Variants in VRTN observed in about 807,000 individuals in gnomAD.
VRTN encodes vertnin.
In VRTN, 5 loss-of-function variants were observed where a neutral mutation model predicts 18.2. That is an observed-to-expected ratio of 0.27 (90% CI 0.14 to 0.58). The LOEUF is 0.58. Ranked by LOEUF, VRTN falls within the 20% of genes least tolerant of loss-of-function variation. The pLI is 0.91. For missense variants in VRTN, 741 were observed against 939.4 expected (o/e 0.79, Z 2.76); for synonymous variants, 381 against 393.7 (o/e 0.97, Z 0.38).
chr14:74,341,739 G>A (rs997577635), intron 2 of VRTN, among the ~76,000 whole-genome samples: 1 of 151,976 alleles, frequency 6.6e-6, no homozygotes, highest in Non-Finnish European at 1.5e-5. Context: ...GGCTGGTCTC[G>A]AACTCCTGAC....
At chr14:74,337,244 G>A (rs1330934312) in intron 1 of VRTN, among the ~76,000 whole-genome samples, 4 of 152,096 alleles carry the variant, frequency 2.6e-5, no homozygotes, top group Admixed American at 6.5e-5. Context: ...TCGGGAAGCT[G>A]AGGCAGGAGA....
At chr14:74,349,868 T>C (rs1567045054) in intron 1 of VRTN, among the ~76,000 whole-genome samples, 1 of 152,198 alleles carries the variant, frequency 6.6e-6, no homozygotes, top group East Asian at 1.9e-4. Context: ...CCTCTGGATG[T>C]CCTGCCTTTA....
chr14:74,358,947 G>GCTT lies in VRTN; in HGVS notation c.*55_*56insCTT. 6.5e-7 allele frequency: 1 copy of GCTT among 1,544,754 alleles called. No homozygotes were observed. The highest frequency in any genetic ancestry group is 8.7e-7 in the Non-Finnish European group (1 of 1,145,700). ...GGGGGACCAGTTTGGAGAGGGTCAGGGACCTGAGCTGACCCCAGGCTTGGC... is the reference window on the plus strand; with the variant it reads ...GGGGGACCAGTTTGGAGAGGGTCAGGCTTGACCTGAGCTGACCCCAGGCTTGGC... On this transcript the variant is annotated 3_prime_UTR_variant, in exon 2 of 2. Coordinates refer to ENST00000256362, the MANE Select transcript of VRTN (RefSeq NM_018228.3). The surrounding 1 kb of genome is among the most constrained non-coding windows in gnomAD (Gnocchi z 5.4).
chr14:74,306,152 A>G (rs1398724642), intron 1 of VRTN: 1 of 63,768 alleles, frequency 1.6e-5, no homozygotes, highest in Non-Finnish European at 2.6e-5. Flanking sequence ...ATACATATAT[A>G]TATATATATA....
At position 74,317,551 on chromosome 14, in the gene VRTN, C is replaced by G. The variant is rs541091484; in HGVS notation, c.-164+14375C>G. Among the ~76,000 whole-genome samples, 3 of 152,218 alleles carry G rather than the reference C, an allele frequency of 2.0e-5. 1 individual carries two copies. The East Asian group carries it at 5.8e-4, about 29-fold the overall frequency. ...GCACGGTGGGTCACACCTGTAATAC[C>G]AGCGCTTTGGGAGGCCAAGGTGGGT... On this transcript the variant is annotated intron_variant, in intron 1 of 2. Coordinates refer to the VRTN transcript ENST00000557177.
intron 1 of VRTN, among the ~76,000 whole-genome samples, chr14:74,309,163 T>C (rs1167609325): frequency 6.6e-6 from 1 of 152,174 alleles, no homozygotes; most frequent in Non-Finnish European, 1.5e-5. Context: ...CCACCCTTTA[T>C]TGTTTCCTTC....
chr14:74,342,740 A>T (rs1487827556), intron 2 of VRTN, among the ~76,000 whole-genome samples: 1 of 151,992 alleles, frequency 6.6e-6, no homozygotes, highest in Non-Finnish European at 1.5e-5. Flanking sequence ...TCAGCCTCCC[A>T]AGTAGTTGGG....
intron 1 of VRTN, among the ~76,000 whole-genome samples, chr14:74,309,542 A>T: frequency 6.6e-6 from 1 of 152,160 alleles, no homozygotes; most frequent in South Asian, 2.1e-4. Flanking sequence ...ACAATCCCTA[A>T]CCTCAAAAAA....
intron 1 of VRTN, among the ~76,000 whole-genome samples, chr14:74,354,571 A>T (rs1330748960): frequency 1.3e-5 from 2 of 151,768 alleles, no homozygotes; most frequent in African/African-American, 4.8e-5. Context: ...CTCCTGGCTA[A>T]TTTTTGTATT....
chr14:74,323,931 C>T (rs767901709), intron 1 of VRTN, among the ~76,000 whole-genome samples: 2 of 152,144 alleles, frequency 1.3e-5, no homozygotes, highest in African/African-American at 4.8e-5. Flanking sequence ...AATCTGGCAA[C>T]CTTCCAGCTG....
At chr14:74,336,346 GCA>G (rs2140204303) in intron 1 of VRTN, among the ~76,000 whole-genome samples, 1 of 152,162 alleles carries the variant, frequency 6.6e-6, no homozygotes, top group East Asian at 1.9e-4. Flanking sequence ...GGCGGAGGTT[GCA>G]GTTAGCCGAG....
chr14:74,307,614 A>G (rs2085362232), intron 1 of VRTN, among the ~76,000 whole-genome samples: 1 of 152,236 alleles, frequency 6.6e-6, no homozygotes, highest in Admixed American at 6.5e-5. Flanking sequence ...GAAAATATAT[A>G]TAGATGTAAA....
intron 1 of VRTN, among the ~76,000 whole-genome samples, chr14:74,328,406 CA>C (rs1432048650): frequency 1.3e-5 from 2 of 152,138 alleles, no homozygotes; most frequent in Non-Finnish European, 2.9e-5. Context: ...GTGCTGCCTT[CA>C]ATTACCCCAA....
intron 1 of VRTN, among the ~76,000 whole-genome samples, chr14:74,314,039 T>C (rs890628100): frequency 5.9e-5 from 9 of 152,182 alleles, no homozygotes; most frequent in African/African-American, 2.2e-4. Context: ...AAAGGTATAA[T>C]AAATCTCCTC....
intron 1 of VRTN, among the ~76,000 whole-genome samples, chr14:74,324,645 T>A (rs1434594393): frequency 6.6e-6 from 1 of 151,976 alleles, no homozygotes; most frequent in Non-Finnish European, 1.5e-5. Context: ...CCCAGCACTT[T>A]GGGAGGCCGA....
chr14:74,358,373 C>T lies in VRTN; in HGVS notation c.1590C>T (p.Arg530=). 1 of 1,613,886 alleles carries T rather than the reference C, an allele frequency of 6.2e-7. No homozygotes were observed. The highest frequency in any genetic ancestry group is 8.5e-7 in the Non-Finnish European group (1 of 1,180,026). Residue 530 remains arginine, a synonymous_variant, in exon 2 of 2, where the codon CGC becomes CGT. Transcript: ENST00000256362. The surrounding 1 kb of genome is among the most constrained non-coding windows in gnomAD (Gnocchi z 5.4). ...GGCATCTCCCTTTCTGCCGCTTCCG[C>T]CTCCGCTACCCCAGCCTGTCACCTT... The part of the protein sequence containing the change: ...LSGHLPFCRF[R]LRYPSLSPSA...
chr14:74,352,013 A>G (rs534655892), intron 1 of VRTN, among the ~76,000 whole-genome samples: 1 of 141,052 alleles, frequency 7.1e-6, no homozygotes, highest in African/African-American at 2.6e-5. Context: ...CCAGCTAATT[A>G]TTTTTTTTTT....
upstream of VRTN, among the ~76,000 whole-genome samples, chr14:74,346,366 A>T (rs4903216): frequency 6.6e-6 from 1 of 152,022 alleles, no homozygotes; most frequent in Non-Finnish European, 1.5e-5. Flanking sequence ...TTTAGTGAGG[A>T]GAATGTGTTG....
chr14:74,304,097 C>T (rs1163312160), intron 1 of VRTN, among the ~76,000 whole-genome samples: 1 of 151,868 alleles, frequency 6.6e-6, no homozygotes, highest in African/African-American at 2.4e-5. Context: ...GTGATCTGCC[C>T]GCCTTGGCTT....
Sources: gnomAD v4.1 joint callset for allele counts (sites outside exome capture counted in the v4.1 genomes callset) on GRCh38, gnomAD v4.1.1 for gene constraint, Gnocchi (gnomAD v3.1) non-coding constraint, MANE v1.5 for transcripts, NCBI Gene and HGNC (gene_info 2026-07-23, HGNC 2026-07-21) for gene names.